Variants in TACR1 observed in about 807,000 individuals in gnomAD.
TACR1 encodes substance-P receptor.
In TACR1, 25 loss-of-function variants were observed where a neutral mutation model predicts 35.8. The observed-to-expected ratio is 0.70, with a 90% CI of 0.51 to 0.98. The LOEUF is 0.98. TACR1 is among the 50% of genes least tolerant of loss of function. The pLI, the probability that TACR1 is intolerant of heterozygous loss-of-function variation, is 0.00. For missense variants in TACR1, 478 were observed against 522.9 expected (o/e 0.91, Z 0.84); for synonymous variants, 195 against 206.7 (o/e 0.94, Z 0.48).
In TACR1 at chr2:75,191,301, C is replaced by T. The variant is rs538166753; in HGVS notation, c.389+7245G>A. 1.1e-4 allele frequency among the ~76,000 whole-genome samples: 16 copies of T among 152,270 alleles called. No individual in the cohort carries two copies. The South Asian group carries it at 3.1e-3, about 30-fold the overall frequency. On this transcript the variant is annotated intron_variant, in intron 1 of 4. Coordinates refer to ENST00000305249, the MANE Select transcript of TACR1 (RefSeq NM_001058.4). ...GGAGGGCTGGGTGGAGAGTAGGTTT[C>T]TCCTGGTTTCACCTCAGCAAGGACA...
At chr2:75,051,697 A>G (rs886849456) in intron 3 of TACR1, among the ~76,000 whole-genome samples, 1 of 152,218 alleles carries the variant, frequency 6.6e-6, no homozygotes, top group Non-Finnish European at 1.5e-5. Flanking sequence ...TTAGAAATGC[A>G]AATTCTTGGA....
At chr2:75,156,897 T>C (rs1191446503) in intron 1 of TACR1, among the ~76,000 whole-genome samples, 2 of 152,186 alleles carry the variant, frequency 1.3e-5, no homozygotes, top group East Asian at 1.9e-4. Context: ...TAGTGAAATG[T>C]AGGGATACAC....
chr2:75,186,596 A>G (rs1157761020), intron 1 of TACR1, among the ~76,000 whole-genome samples: 1 of 151,976 alleles, frequency 6.6e-6, no homozygotes, highest in African/African-American at 2.4e-5. Flanking sequence ...TGTGATCAGA[A>G]AAACATTGGA....
chr2:75,131,087 A>AT (rs985325740), intron 1 of TACR1, among the ~76,000 whole-genome samples: 66 of 150,568 alleles, frequency 4.4e-4, no homozygotes, highest in East Asian at 2.3e-3. Flanking sequence ...TAATGAGCCA[A>AT]TTTTTTTTTC....
chr2:75,076,877 C>G (rs943150646), intron 2 of TACR1, among the ~76,000 whole-genome samples: 2 of 152,116 alleles, frequency 1.3e-5, no homozygotes, highest in Admixed American at 1.3e-4. Flanking sequence ...CTTTTTTATT[C>G]AGTAGGAAGG....
At chr2:75,059,117 T>C (rs1573459484) in intron 2 of TACR1, among the ~76,000 whole-genome samples, 1 of 152,194 alleles carries the variant, frequency 6.6e-6, no homozygotes, top group African/African-American at 2.4e-5. Context: ...GTAGAAAATT[T>C]CAGCTGTTAC....
intron 1 of TACR1, among the ~76,000 whole-genome samples, chr2:75,149,617 T>A: frequency 6.6e-6 from 1 of 152,234 alleles, no homozygotes. Context: ...TGAAGTTGCT[T>A]GTCAGCTTAA....
In TACR1 at chr2:75,156,481, T is replaced by C. The variant is rs193073044; in HGVS notation, c.390-35713A>G. Among the ~76,000 whole-genome samples, 331 of 147,504 alleles carry C rather than the reference T, an allele frequency of 2.2e-3. 2 individuals carry two copies. The highest frequency in any genetic ancestry group is 8.0e-3 in the African/African-American group (318 of 39,946). The stretch of plus-strand genomic sequence containing the variant: ...AGCCGGGCATGGTGGCAGGCCCCTG[T>C]GGTCCCAGCTACTCAGGAGGCTGAG... On this transcript the variant is annotated intron_variant, in intron 1 of 4. Transcript: ENST00000305249.
At chr2:75,165,379 G>A (rs1445697721) in intron 1 of TACR1, among the ~76,000 whole-genome samples, 1 of 151,820 alleles carries the variant, frequency 6.6e-6, no homozygotes, top group African/African-American at 2.4e-5. Context: ...GCGCGATCTC[G>A]GCTCACTGCA....
At chr2:75,091,201 C>CAAAAA (rs1184236584) in intron 2 of TACR1, among the ~76,000 whole-genome samples, 2 of 63,414 alleles carry the variant, frequency 3.2e-5, no homozygotes, top group Admixed American at 1.8e-4. Flanking sequence ...CTCGTAGGTG[C>CAAAAA]AAAAAAAAAA....
intron 2 of TACR1, among the ~76,000 whole-genome samples, chr2:75,091,725 C>A (rs1295654087): frequency 6.6e-6 from 1 of 152,130 alleles, no homozygotes; most frequent in Non-Finnish European, 1.5e-5. Context: ...GACGTGAACT[C>A]TAGAAGTGGG....
chr2:75,169,814 A>G (rs1407724865), intron 1 of TACR1, among the ~76,000 whole-genome samples: 2 of 151,982 alleles, frequency 1.3e-5, no homozygotes, highest in Non-Finnish European at 2.9e-5. Context: ...GTGGAGTTGG[A>G]TTTCTGGCTT....
chr2:75,153,780 G>A (rs1241151888), intron 1 of TACR1, among the ~76,000 whole-genome samples: 3 of 152,186 alleles, frequency 2.0e-5, no homozygotes, highest in Non-Finnish European at 4.4e-5. Flanking sequence ...GCAAAAGGGA[G>A]GAGGTGGTTT....
chr2:75,070,644 C>G (rs1018351295), intron 2 of TACR1, among the ~76,000 whole-genome samples: 1 of 152,234 alleles, frequency 6.6e-6, no homozygotes, highest in Non-Finnish European at 1.5e-5. Flanking sequence ...CTGTGTGTCT[C>G]TGGGTAAATT....
intron 2 of TACR1, among the ~76,000 whole-genome samples, chr2:75,111,393 C>G (rs1453175338): frequency 6.6e-6 from 1 of 151,930 alleles, no homozygotes; most frequent in Non-Finnish European, 1.5e-5. Context: ...GATAATACTT[C>G]TGTGTGATGT....
intron 1 of TACR1, among the ~76,000 whole-genome samples, chr2:75,185,650 G>A (rs545324839): frequency 4.5e-4 from 69 of 152,154 alleles, no homozygotes; most frequent in African/African-American, 1.6e-3. Flanking sequence ...CTTTTAAATT[G>A]GAAAAGATTT....
At chr2:75,113,781 A>G (rs1673800681) in intron 2 of TACR1, among the ~76,000 whole-genome samples, 1 of 152,042 alleles carries the variant, frequency 6.6e-6, no homozygotes, top group African/African-American at 2.4e-5. Flanking sequence ...CTGGAAACAC[A>G]AATATGTTGA....
At chr2:75,182,759 C>T (rs2104052518) in intron 1 of TACR1, among the ~76,000 whole-genome samples, 1 of 152,252 alleles carries the variant, frequency 6.6e-6, no homozygotes, top group South Asian at 2.1e-4. Context: ...GTATCGTAGG[C>T]TATACCATCT....
At chr2:75,187,199 A>G (rs1302557413) in intron 1 of TACR1, 2 of 152,288 alleles carry the variant, frequency 1.3e-5, no homozygotes, top group Non-Finnish European at 2.9e-5. Context: ...TCCAGGTTGT[A>G]AAGATATTAC....
Sources: allele counts gnomAD v4.1 joint callset (sites outside exome capture counted in the v4.1 genomes callset), GRCh38; gene constraint gnomAD v4.1.1; transcripts MANE v1.5; gene names NCBI Gene and HGNC (gene_info 2026-07-23, HGNC 2026-07-21).